SMYD3: variants seen among roughly 807,000 people sequenced by gnomAD.
SMYD3 encodes histone-lysine N-methyltransferase SMYD3.
In SMYD3, 36 loss-of-function variants were observed where a neutral mutation model predicts 57.7. The observed-to-expected ratio is 0.62, with a 90% CI of 0.48 to 0.82. SMYD3 has a LOEUF of 0.82. SMYD3 is among the 40% of genes least tolerant of loss of function. The pLI is 0.00. For missense variants in SMYD3, 515 were observed against 538.8 expected (o/e 0.96, Z 0.44); for synonymous variants, 211 against 195.0 (o/e 1.08, Z -0.68).
At chr1:246,226,368 C>T (rs2063330548) in intron 5 of SMYD3, among the ~76,000 whole-genome samples, 1 of 152,104 alleles carries the variant, frequency 6.6e-6, no homozygotes, top group Non-Finnish European at 1.5e-5. Flanking sequence ...TACATAAAGA[C>T]AAGTTAAAGA....
chr1:246,247,966 G>A (rs1770023), intron 5 of SMYD3, among the ~76,000 whole-genome samples: 2,296 of 152,138 alleles, frequency 0.015, 42 homozygotes, highest in African/African-American at 0.036. Context: ...TTCCTGCTTC[G>A]CTGTCCCTCA....
chr1:246,490,554 T>C (rs2068253532), intron 1 of SMYD3, among the ~76,000 whole-genome samples: 1 of 152,190 alleles, frequency 6.6e-6, no homozygotes, highest in South Asian at 2.1e-4. Context: ...ACCTAAATTA[T>C]ATAATAATAC....
chr1:246,302,075 A>C (rs576979615), intron 5 of SMYD3, among the ~76,000 whole-genome samples: 1 of 152,268 alleles, frequency 6.6e-6, no homozygotes, highest in Non-Finnish European at 1.5e-5. Flanking sequence ...TTGCTTCAAG[A>C]GTGCATACCT....
chr1:246,290,892 T>C (rs1195533551), intron 5 of SMYD3, among the ~76,000 whole-genome samples: 2 of 152,164 alleles, frequency 1.3e-5, no homozygotes, highest in Admixed American at 6.6e-5. Context: ...GAAAGAAATA[T>C]AATAATTTAT....
intron 5 of SMYD3, among the ~76,000 whole-genome samples, chr1:246,172,673 C>T (rs1328200823): frequency 3.5e-5 from 5 of 142,374 alleles, no homozygotes; most frequent in East Asian, 4.5e-4. Flanking sequence ...ATCAACACTA[C>T]ACACTTAGGC....
rs10399928 is a variant in SMYD3 at position 246,271,572 on chromosome 1, G to C, written c.531+55629C>G. Among the ~76,000 whole-genome samples, 680 of 152,070 alleles carry C rather than the reference G, an allele frequency of 4.5e-3. 5 individuals are homozygous for C. Among genetic ancestry groups the C allele is most frequent in the Middle Eastern group, 0.01 (3 of 292 alleles). ...AATTGACTGTGCTTTCTCCATTGAA[G>C]GGTCTTGGCACCCCCATCGAAAATC... is the stretch of plus-strand genomic sequence containing the variant. On this transcript the variant is annotated intron_variant, in intron 5 of 11. Transcript: ENST00000490107.
chr1:245,908,043 G>T (rs911693029), intron 8 of SMYD3, among the ~76,000 whole-genome samples: 7 of 152,076 alleles, frequency 4.6e-5, no homozygotes, highest in African/African-American at 1.7e-4. Context: ...AGCTGAGGCC[G>T]GAGAATCCCT....
At chr1:245,863,995 G>T in intron 8 of SMYD3, 109 bp from the exon 9 acceptor site, 1 of 944,268 alleles carries the variant, frequency 1.1e-6, no homozygotes, top group East Asian at 2.5e-5. Context: ...CTGAAAAGAT[G>T]CTTGGCATCA....
At chr1:245,978,460 G>C (rs377296914) in intron 5 of SMYD3, among the ~76,000 whole-genome samples, 27 of 152,190 alleles carry the variant, frequency 1.8e-4, no homozygotes, top group African/African-American at 6.5e-4. Context: ...GAGCTGATCT[G>C]AATCCAGAGG....
Position 245,971,288 on chromosome 1 carries a change from G to C in SMYD3, c.532-41351C>G, listed in dbSNP as rs112308828. Among the ~76,000 whole-genome samples, 493 of 152,258 alleles carry C rather than the reference G, an allele frequency of 3.2e-3. 2 individuals are homozygous for C. Among genetic ancestry groups the C allele is most frequent in the African/African-American group, 0.011 (445 of 41,546 alleles). Reference sequence around the variant, plus strand: ...CAGGGAGTGGAACATCACACACCAAGGCCTGTCTGGAGGTGGGGCTAGGGG... The same window carrying C: ...CAGGGAGTGGAACATCACACACCAACGCCTGTCTGGAGGTGGGGCTAGGGG... On this transcript the variant is annotated intron_variant, in intron 5 of 11. Transcript: ENST00000490107.
chr1:246,162,574 A>C (rs2062140608), intron 5 of SMYD3, among the ~76,000 whole-genome samples: 1 of 152,220 alleles, frequency 6.6e-6, no homozygotes, highest in Non-Finnish European at 1.5e-5. Flanking sequence ...CACAATGCTG[A>C]GGAGTCCATG....
chr1:246,027,171 TG>T (rs886466857), intron 5 of SMYD3, among the ~76,000 whole-genome samples: 1 of 152,114 alleles, frequency 6.6e-6, no homozygotes, highest in African/African-American at 2.4e-5. Flanking sequence ...GAAGAAACGG[TG>T]GAAAGTAGCA....
chr1:245,905,008 C>G (rs1339090370), intron 8 of SMYD3, among the ~76,000 whole-genome samples: 1 of 151,830 alleles, frequency 6.6e-6, no homozygotes. Context: ...AGGGAAGCCG[C>G]TGCCTTGAAG....
chr1:246,438,123 T>C (rs571078469), intron 1 of SMYD3, among the ~76,000 whole-genome samples: 5 of 152,264 alleles, frequency 3.3e-5, no homozygotes, highest in Admixed American at 6.5e-5. Flanking sequence ...CCATCTGCTA[T>C]GCAAAAAAGG....
chr1:245,944,901 T>C (rs1349717581), intron 5 of SMYD3, among the ~76,000 whole-genome samples: 3 of 152,170 alleles, frequency 2.0e-5, no homozygotes, highest in African/African-American at 7.2e-5. Context: ...ATTCCTTATT[T>C]AAAAAATGGT....
At chr1:246,503,954 T>TA (rs55709330) in intron 1 of SMYD3, among the ~76,000 whole-genome samples, 12,606 of 127,262 alleles carry the variant, frequency 0.099, 630 homozygotes, top group Middle Eastern at 0.17. Flanking sequence ...AACTCCATCT[T>TA]AAAAAAAAAA....
intron 5 of SMYD3, among the ~76,000 whole-genome samples, chr1:246,161,661 A>G (rs2062122226): frequency 6.6e-6 from 1 of 152,252 alleles, no homozygotes; most frequent in Non-Finnish European, 1.5e-5. Flanking sequence ...TGGTTTGATC[A>G]TTCTTATCAA....
intron 1 of SMYD3, among the ~76,000 whole-genome samples, chr1:246,496,243 CCAGGA>C (rs2068358944): frequency 6.6e-6 from 1 of 151,864 alleles, no homozygotes. Flanking sequence ...ACCATGTTGG[CCAGGA>C]TGGTCTCTAT....
At chr1:246,459,918 C>CAAAAAAAAAAAAAAAAAAAAAAAA (rs35958617) in intron 1 of SMYD3, among the ~76,000 whole-genome samples, 1 of 88,934 alleles carries the variant, frequency 1.1e-5, no homozygotes, top group Non-Finnish European at 2.2e-5. Flanking sequence ...TTCCGCCACC[C>CAAAAAAAAAAAAAAAAAAAAAAAA]AAAAAAAAAA....
Sources: gnomAD v4.1 joint callset for allele counts (sites outside exome capture counted in the v4.1 genomes callset) on GRCh38, gnomAD v4.1.1 for gene constraint, MANE v1.5 for transcripts, NCBI Gene and HGNC (gene_info 2026-07-23, HGNC 2026-07-21) for gene names.